SOD2: variants seen among roughly 807,000 people sequenced by gnomAD.
The protein encoded by SOD2 is superoxide dismutase [Mn], mitochondrial.
In SOD2, 11 loss-of-function variants were observed where a neutral mutation model predicts 27.0. That is an observed-to-expected ratio of 0.41 (90% CI 0.26 to 0.67). The LOEUF (loss-of-function observed/expected upper bound fraction) is 0.67. SOD2 is among the 30% of genes least tolerant of loss of function. The pLI, the probability that SOD2 is intolerant of heterozygous loss-of-function variation, is 0.34. For missense variants in SOD2, 250 were observed against 274.5 expected (o/e 0.91, Z 0.63); for synonymous variants, 105 against 103.0 (o/e 1.02, Z -0.12).
At chr6:159,747,081 T>C (rs1779619769), upstream of SOD2, among the ~76,000 whole-genome samples, 2 of 152,226 alleles carry the variant, frequency 1.3e-5, no homozygotes, top group Non-Finnish European at 2.9e-5. Flanking sequence ...CTTAGTATAT[T>C]TGTTCCTTTT....
At chr6:159,748,987 A>G (rs1779721354), upstream of SOD2, 1 of 1,036,780 alleles carries the variant, frequency 9.6e-7, no homozygotes, top group Admixed American at 5.6e-5. The surrounding 1 kb of genome is among the most constrained non-coding windows in gnomAD (Gnocchi z 5.6). Context: ...TTCAATAGTC[A>G]TGAGAGAATC....
intron 1 of SOD2, chr6:159,753,417 A>G (rs751862350): frequency 6.2e-7 from 1 of 1,613,442 alleles, no homozygotes; most frequent in Non-Finnish European, 8.5e-7. Context: ...AAAGACAGAG[A>G]GTTTTGTCTT....
upstream of SOD2, among the ~76,000 whole-genome samples, chr6:159,694,468 T>C (rs1777378945): frequency 6.6e-6 from 1 of 152,166 alleles, no homozygotes; most frequent in Non-Finnish European, 1.5e-5. Flanking sequence ...CCACCTGAAC[T>C]TGGCTTCACA....
In SOD2 at chr6:159,712,030, T is replaced by A. The variant is rs574880039; in HGVS notation, c.-116+15099A>T. Among the ~76,000 whole-genome samples the A allele has an allele frequency of 1.2e-4, 5 of 40,320 alleles. 1 individual carries two copies. The East Asian group carries it at 1.6e-3, about 13-fold the overall frequency. The allele number at this position is 40,320 out of a possible 152,430, so 26.5% of individuals were successfully genotyped here. A position where few individuals can be genotyped will look rare whatever the true frequency, so the allele number is the denominator to read the frequency against. ...CCACCTCCATAACCACCACTCACAC[T>A]GCTCAGACCTCCATAACCACCTCCA... On this transcript the variant is annotated intron_variant, in intron 1 of 2. Coordinates refer to the SOD2 transcript ENST00000401980.
At chr6:159,690,299 A>G (rs1780396113) in intron 2 of SOD2, among the ~76,000 whole-genome samples, 1 of 151,180 alleles carries the variant, frequency 6.6e-6, no homozygotes, top group Admixed American at 6.6e-5. Flanking sequence ...AAAAAAAAAA[A>G]AAAAAAAGTA....
chr6:159,692,348 CT>C, intron 2 of SOD2: 1 of 1,180,826 alleles, frequency 8.5e-7, no homozygotes, highest in East Asian at 3.1e-5. Context: ...GTAGAGCTTT[CT>C]TTTCAGGCCC....
At chr6:159,758,295 G>C (rs146926473) in intron 1 of SOD2, among the ~76,000 whole-genome samples, 1 of 151,280 alleles carries the variant, frequency 6.6e-6, no homozygotes, top group African/African-American at 2.4e-5. Context: ...CTTTACACGC[G>C]CATTCCTCAC....
chr6:159,762,047 CT>C, exon 1 of SOD2: 1 of 1,608,688 alleles, frequency 6.2e-7, no homozygotes, highest in Non-Finnish European at 8.5e-7. Context: ...CTTTGCCTAG[CT>C]TGCAGGCAGC....
chr6:159,694,644 G>C (rs2758347), upstream of SOD2, among the ~76,000 whole-genome samples: 61,513 of 151,886 alleles, frequency 0.4, 13,781 homozygotes, highest in Admixed American at 0.5. Context: ...CGCTCAGGCT[G>C]GAGTACTGTG....
In SOD2 at chr6:159,672,939, G is replaced by GGTTGCAA. The variant is rs1416358775; in HGVS notation, c.*9547_*9553dup. 6.6e-6 allele frequency: 1 copy of GGTTGCAA among 152,028 alleles called. No homozygotes were observed. The highest frequency in any genetic ancestry group is 1.5e-5 in the Non-Finnish European group (1 of 68,000). 9.4% of individuals were successfully genotyped at this position (152,028 alleles called of 1,614,324 possible). On this transcript the variant is annotated 3_prime_UTR_variant, in exon 5 of 5. Transcript: ENST00000538183. ...AACGGAAAACAAAAAAAAAGGCCGG[G>GGTTGCAA]GTTGCAATCCTAGTCTCTGATAAAA...
At chr6:159,759,100 C>A (rs1780071533) in intron 1 of SOD2, among the ~76,000 whole-genome samples, 1 of 149,882 alleles carries the variant, frequency 6.7e-6, no homozygotes, top group Non-Finnish European at 1.5e-5. Context: ...GCTCTTGTTG[C>A]CCAGGCTGGA....
At chr6:159,732,420 G>A (rs2758312) in intron 1 of SOD2, among the ~76,000 whole-genome samples, 118,124 of 152,136 alleles carry the variant, frequency 0.78, 46,147 homozygotes, top group South Asian at 0.85. Flanking sequence ...TACCTGTTAC[G>A]TGAAGTTCCT....
rs1176971843 is a variant in SOD2, at chr6:159,681,250, GC to G, written c.*1242del. On this transcript the variant is annotated 3_prime_UTR_variant, in exon 5 of 5. Transcript: ENST00000538183. ...ACCGAAAACTCCAGGCACCCAGCTC[GC>G]CCCGAGAAGGAAACCAGCAAGCTGA... The G allele has an allele frequency of 4.6e-5, 7 of 151,920 alleles. No homozygotes were observed. The highest frequency in any genetic ancestry group is 7.4e-5 in the Non-Finnish European group (5 of 67,992). 9.4% of individuals were successfully genotyped at this position (151,920 alleles called of 1,614,324 possible). A position where few individuals can be genotyped will look rare whatever the true frequency, so the allele number is the denominator to read the frequency against.
intron 1 of SOD2, among the ~76,000 whole-genome samples, chr6:159,721,286 C>G (rs1260221540): frequency 6.6e-6 from 1 of 151,998 alleles, no homozygotes; most frequent in Non-Finnish European, 1.5e-5. Flanking sequence ...CCAGGATGGT[C>G]TCAATCTCCT....
chr6:159,712,876 A>G, intron 1 of SOD2: 1 of 640,668 alleles, frequency 1.6e-6, no homozygotes, highest in East Asian at 3.2e-5. Flanking sequence ...AAAGTTCTAC[A>G]TAGGTGTGTT....
chr6:159,710,290 A>T lies in SOD2; in HGVS notation c.-116+16839T>A, dbSNP rs557311326. Among the ~76,000 whole-genome samples, 282 of 94,092 alleles carry T rather than the reference A, an allele frequency of 3.0e-3. 5 individuals are homozygous for T. The highest frequency in any genetic ancestry group is 9.7e-3 in the African/African-American group (266 of 27,434). 61.7% of individuals were successfully genotyped at this position (94,092 alleles called of 152,430 possible). ...AAATACATATATATATATATATATA[A>T]AATACAAAAATTAGCTGGGCGTGGT... On this transcript the variant is annotated intron_variant, in intron 1 of 2. Coordinates refer to the SOD2 transcript ENST00000401980.
At chr6:159,718,736 C>T (rs1356289529) in intron 1 of SOD2, among the ~76,000 whole-genome samples, 2 of 152,178 alleles carry the variant, frequency 1.3e-5, no homozygotes, top group African/African-American at 4.8e-5. Context: ...CCACAACTGT[C>T]TATGCTTGAC....
rs764211880 is a variant in SOD2 at position 159,682,490 on chromosome 6, G to A, written c.*3C>T. The A allele has an allele frequency of 3.1e-5, 50 of 1,613,034 alleles. No homozygotes were observed. In the Admixed American group the frequency reaches 7.4e-4, roughly 24 times the overall value. ...TTAACATACTCAGCATAACGATCGTGGTTTACTTTTTGCAAGCCATGTATC... is the reference window on the plus strand; with the variant it reads ...TTAACATACTCAGCATAACGATCGTAGTTTACTTTTTGCAAGCCATGTATC... On this transcript the variant is annotated 3_prime_UTR_variant, in exon 5 of 5. Coordinates refer to ENST00000538183, the MANE Select transcript of SOD2 (RefSeq NM_000636.4).
At chr6:159,762,087 G>C (rs991608110) in exon 1 of SOD2, 2 of 1,613,208 alleles carry the variant, frequency 1.2e-6, no homozygotes, top group Non-Finnish European at 1.7e-6. Context: ...GGAGAAGCAA[G>C]ATGAATGCAG....
Sources: gnomAD v4.1 joint callset for allele counts (sites outside exome capture counted in the v4.1 genomes callset) on GRCh38, gnomAD v4.1.1 for gene constraint, Gnocchi (gnomAD v3.1) non-coding constraint, MANE v1.5 for transcripts, NCBI Gene and HGNC (gene_info 2026-07-23, HGNC 2026-07-21) for gene names.